KRT40: variants seen among roughly 807,000 people sequenced by gnomAD.
The protein encoded by KRT40 is keratin 40, also known as keratin, type I cytoskeletal 40.
In KRT40, 47 loss-of-function variants were observed where a neutral mutation model predicts 43.5. That is an observed-to-expected ratio of 1.08 (90% confidence interval 0.86 to 1.38). KRT40 has a LOEUF of 1.38. Among genes scored for constraint, KRT40 ranks in the 40% most tolerant of loss-of-function variants. The pLI is 0.00. For missense variants in KRT40, 573 were observed against 523.6 expected (o/e 1.09, Z -0.92); for synonymous variants, 212 against 214.0 (o/e 0.99, Z 0.08).
chr17:40,986,728 A>G (rs1011505821), upstream of KRT40, among the ~76,000 whole-genome samples: 12 of 138,106 alleles, frequency 8.7e-5, no homozygotes, highest in African/African-American at 3.3e-4. Context: ...ATGAAAGGCC[A>G]TGATAAAAAA....
chr17:40,982,662 T>G (rs1030653381), intron 2 of KRT40, among the ~76,000 whole-genome samples, 199 bp from the exon 3 acceptor site: 1 of 134,194 alleles, frequency 7.5e-6, no homozygotes, highest in Non-Finnish European at 1.5e-5. Context: ...TGTGTGTGTG[T>G]GTGTGAGAGA....
intron 2 of KRT40, 89 bp from the exon 3 acceptor site, chr17:40,982,552 A>G: frequency 9.2e-7 from 1 of 1,086,140 alleles, no homozygotes; most frequent in South Asian, 2.6e-5. Context: ...CACGGACTTC[A>G]GGAAGCCATG....
Position 40,983,067 on chromosome 17 carries a change from GC to G in KRT40, c.508del (p.Ala170ProfsTer19). On this transcript the variant is annotated frameshift_variant, in exon 2 of 7. Coordinates refer to ENST00000377755, the MANE Select transcript of KRT40 (RefSeq NM_001389244.1). LOFTEE classifies it high-confidence loss of function. ...LAVQLDNCKL[A>X]TDDFKSKYES... Reference sequence around the variant, plus strand: ...TTACTTTGACTTAAAGTCATCAGTGGCCAGTTTGCAGTTGTCAAGCTGTACA... The same window carrying G: ...TTACTTTGACTTAAAGTCATCAGTGGCAGTTTGCAGTTGTCAAGCTGTACA... 6.9e-7 allele frequency: 1 copy of G among 1,439,990 alleles called. No homozygotes were observed. The highest frequency in any genetic ancestry group is 9.7e-7 in the Non-Finnish European group (1 of 1,027,418). The allele number at this position is 1,439,990 out of a possible 1,614,324, so 89.2% of individuals were successfully genotyped here.
chr17:40,980,894 T>G lies in KRT40; in HGVS notation c.866A>C (p.Gln289Pro). ...CTGCTCCGCGCTGGACAGTTGCTGC[T>G]GATTCAGCTCTTCTGTCTGAAACAC... ...WLAVQTEELN[Q>P]QQLSSAEQLQ... The change falls in exon 5 of 7, where the codon CAG becomes CCG. Residue 289 changes from glutamine (Q) to proline (P), a missense_variant. Coordinates refer to ENST00000377755, the MANE Select transcript of KRT40 (RefSeq NM_001389244.1). 1 of 1,614,090 alleles carries G rather than the reference T, an allele frequency of 6.2e-7. No individual in the cohort carries two copies. The highest frequency in any genetic ancestry group is 8.5e-7 in the Non-Finnish European group (1 of 1,180,022).
chr17:40,982,538 G>A (rs566393141), intron 2 of KRT40, 75 bp from the exon 3 acceptor site: 8 of 1,206,508 alleles, frequency 6.6e-6, no homozygotes, highest in East Asian at 2.7e-5. Flanking sequence ...ATGGAGGATC[G>A]ACACACGGAC....
chr17:40,981,323 GT>G, intron 3 of KRT40, 172 bp from the exon 4 acceptor site: 1 of 1,256,008 alleles, frequency 8.0e-7, no homozygotes, highest in Non-Finnish European at 1.1e-6. Context: ...CAGTTTCTTC[GT>G]CTGTAAAATG....
At chr17:40,983,783 C>T in intron 1 of KRT40, 44 bp downstream of exon 1, 3 of 1,578,434 alleles carry the variant, frequency 1.9e-6, no homozygotes, top group Non-Finnish European at 2.6e-6. Flanking sequence ...ATAAAGCAAA[C>T]CATAGATCAG....
chr17:40,983,052 T>C lies in KRT40; in HGVS notation c.524A>G (p.Lys175Arg), dbSNP rs1335525689. 1.5e-6 allele frequency: 2 copies of C among 1,312,192 alleles called. No individual in the cohort carries two copies. The highest frequency in any genetic ancestry group is 1.8e-5 in the Admixed American group (1 of 56,942). The allele number at this position is 1,312,192 out of a possible 1,614,324, so 81.3% of individuals were successfully genotyped here. A position where few individuals can be genotyped will look rare whatever the true frequency, so the allele number is the denominator to read the frequency against. The change falls in exon 2 of 7, where the codon AAG becomes AGG. Residue 175 changes from lysine to arginine, a missense_variant. Physicochemically the swap from Lys to Arg is conservative, Grantham distance 26. Coordinates refer to ENST00000377755, the MANE Select transcript of KRT40 (RefSeq NM_001389244.1). ...DNCKLATDDFKSKYESELSLR... is the reference protein window; with the variant it reads ...DNCKLATDDFRSKYESELSLR... Reference sequence around the variant, plus strand: ...AAAATTAAATTAAACTTACTTTGACTTAAAGTCATCAGTGGCCAGTTTGCA... The same window carrying C: ...AAAATTAAATTAAACTTACTTTGACCTAAAGTCATCAGTGGCCAGTTTGCA...
rs776428129 is a variant in KRT40 at position 40,984,297 on chromosome 17, C to T, written c.-24G>A. 4.2e-5 allele frequency: 66 copies of T among 1,567,122 alleles called. No homozygotes were observed. The highest frequency in any genetic ancestry group is 2.3e-5 in the Non-Finnish European group (26 of 1,149,860). ...ATCCTTCCAGAAGCAAAGACAGAGA[C>T]TGGCTGCAAAACTTCAGTTGCCTTG... On this transcript the variant is annotated 5_prime_UTR_variant, in exon 1 of 7. Coordinates refer to ENST00000377755, the MANE Select transcript of KRT40 (RefSeq NM_001389244.1).
rs8069529 is a variant in KRT40 at position 40,981,038 on chromosome 17, C to A, written c.801G>T (p.Thr267=). 2 of 1,614,196 alleles carry A rather than the reference C, an allele frequency of 1.2e-6. No homozygotes were observed. Among genetic ancestry groups the A allele is most frequent in the Admixed American group, 1.7e-5 (1 of 60,032 alleles). ...VLDEMRCQCE[T]VLANNRREAE... ...CTTCTCTGCGATTGTTGGCAAGCAC[C>A]GTTTCACACTGACAGCGCATCTCAT... Residue 267 remains threonine, a synonymous_variant, in exon 4 of 7, where the codon ACG becomes ACT. Coordinates refer to ENST00000377755, the MANE Select transcript of KRT40 (RefSeq NM_001389244.1).
At position 40,981,136 on chromosome 17, in the gene KRT40, G is replaced by C; in HGVS notation, c.703C>G (p.Arg235Gly). Reference sequence around the variant, plus strand: ...CTGAGGCGGTCGCCAAGCTGTTCACGAAGCAAGTTGACTTCCTGAAAGTGG... The same window carrying C: ...CTGAGGCGGTCGCCAAGCTGTTCACCAAGCAAGTTGACTTCCTGAAAGTGG... The part of the protein sequence containing the change: ...KNHEEEVNLL[R>G]EQLGDRLSVE... Residue 235 changes from arginine to glycine, a missense_variant, in exon 4 of 7, where the codon CGT becomes GGT. Coordinates refer to ENST00000377755, the MANE Select transcript of KRT40 (RefSeq NM_001389244.1). The C allele has an allele frequency of 6.2e-7, 1 of 1,613,806 alleles. No individual in the cohort carries two copies. The highest frequency in any genetic ancestry group is 2.2e-5 in the East Asian group (1 of 44,874).
chr17:40,979,889 G>A (rs35214658), intron 5 of KRT40, among the ~76,000 whole-genome samples: 58,069 of 151,948 alleles, frequency 0.38, 13,430 homozygotes, highest in African/African-American at 0.66. Context: ...TAGCTAGATG[G>A]GAGGACTTGA....
At chr17:40,984,860 A>AGTTTGTGTGTGTGTGT (rs551051327), upstream of KRT40, among the ~76,000 whole-genome samples, 1 of 151,564 alleles carries the variant, frequency 6.6e-6, no homozygotes, top group African/African-American at 2.4e-5. Flanking sequence ...TTGGGTTTAA[A>AGTTTGTGTGTGTGTGT]GTGTGTGTGT....
rs148131479 is a variant in KRT40, at chr17:40,978,073, G to A, written c.*124C>T. The A allele has an allele frequency of 1.0e-2, 6,825 of 685,684 alleles. 62 individuals carry two copies. Among genetic ancestry groups the A allele is most frequent in the Non-Finnish European group, 0.013 (4,963 of 384,514 alleles). The allele number at this position is 685,684 out of a possible 1,614,324, so 42.5% of individuals were successfully genotyped here. A position where few individuals can be genotyped will look rare whatever the true frequency, so the allele number is the denominator to read the frequency against. On this transcript the variant is annotated 3_prime_UTR_variant, in exon 7 of 7. Coordinates refer to ENST00000377755, the MANE Select transcript of KRT40 (RefSeq NM_001389244.1). The stretch of plus-strand genomic sequence containing the variant: ...AGCAGAAAGACTGAGGATACCTGGA[G>A]GGCAATTCCAGGATATGAGAGCCTC...
chr17:40,982,370 A>C lies in KRT40; in HGVS notation c.624T>G (p.Asp208Glu). Residue 208 changes from aspartate (D) to glutamate (E), a missense_variant, in exon 3 of 7, where the codon GAT (aspartate) becomes GAG (glutamate). Physicochemically the swap from Asp to Glu is conservative, Grantham distance 45. Coordinates refer to ENST00000377755, the MANE Select transcript of KRT40 (RefSeq NM_001389244.1). ...ILEELTLCKS[D>E]LEAHVESLKE... ...TCAGAGACTCCACATGGGCCTCCAG[A>C]TCAGATTTGCACAGGGTCAGTTCCT... The C allele has an allele frequency of 6.2e-7, 1 of 1,610,740 alleles. No individual in the cohort carries two copies. The highest frequency in any genetic ancestry group is 1.7e-5 in the Admixed American group (1 of 59,576).
At chr17:40,980,503 C>T (rs1398295219) in intron 5 of KRT40, among the ~76,000 whole-genome samples, 5 of 152,126 alleles carry the variant, frequency 3.3e-5, no homozygotes, top group East Asian at 1.9e-4. Context: ...TAAAACCTGC[C>T]AGAATGCTTA....
In KRT40 at chr17:40,981,978, A is replaced by G. The variant is rs139495496; in HGVS notation, c.687+329T>C. 8.6e-3 allele frequency among the ~76,000 whole-genome samples: 1,308 copies of G among 152,138 alleles called. 22 individuals carry two copies. Among genetic ancestry groups the G allele is most frequent in the African/African-American group, 0.029 (1,222 of 41,484 alleles). On this transcript the variant is annotated intron_variant, in intron 3 of 6. Coordinates refer to ENST00000377755, the MANE Select transcript of KRT40 (RefSeq NM_001389244.1). ...ACTGCAACCTCCGCCTCCTGAGTTC[A>G]AGTGATTCTCCTGCCTCAGCCTCCC...
chr17:40,982,861 A>G (rs1460904883), intron 2 of KRT40, among the ~76,000 whole-genome samples, 185 bp downstream of exon 2: 2 of 152,016 alleles, frequency 1.3e-5, no homozygotes, highest in Non-Finnish European at 2.9e-5. Flanking sequence ...AAAATTAGCT[A>G]GGTGTGGCGG....
rs1912278740 is a variant in KRT40 at position 40,983,184 on chromosome 17, T to G, written c.448-56A>C. On this transcript the variant is annotated intron_variant, in intron 1 of 6. Coordinates refer to ENST00000377755, the MANE Select transcript of KRT40 (RefSeq NM_001389244.1). The stretch of plus-strand genomic sequence containing the variant: ...TTCTTTGAGAGAAACCTAAGTAAAC[T>G]TCTATCCAACAGCTATGCCATTAGC... 3 of 761,004 alleles carry G rather than the reference T, an allele frequency of 3.9e-6. No homozygotes were observed. The East Asian group carries it at 7.9e-5, about 20-fold the overall frequency. 47.1% of individuals were successfully genotyped at this position (761,004 alleles called of 1,614,324 possible).
Sources: allele counts gnomAD v4.1 joint callset (sites outside exome capture counted in the v4.1 genomes callset), GRCh38; gene constraint gnomAD v4.1.1; transcripts MANE v1.5; gene names NCBI Gene and HGNC (gene_info 2026-07-23, HGNC 2026-07-21).